The following TNN variants were observed in gnomAD, a reference collection of about 807,000 sequenced individuals.
TNN encodes tenascin N.
TNN carries 122 observed loss-of-function variants against 134.4 expected under a neutral mutation model. The observed-to-expected ratio is 0.91, with a 90% CI of 0.78 to 1.06. The LOEUF (loss-of-function observed/expected upper bound fraction) is 1.06, where lower values mean the gene tolerates loss of function less well. TNN is among the 50% of genes least tolerant of loss of function. The probability of loss-of-function intolerance (pLI) is 0.00; values close to 1 mark genes in which losing one functional copy is unlikely to be tolerated. For synonymous variants in TNN, 710 were observed against 670.3 expected (o/e 1.06, Z -0.91); for missense variants, 1,739 against 1,699.4 (o/e 1.02, Z -0.41).
Position 175,118,735 on chromosome 1 carries a change from G to A in TNN, c.2561G>A (p.Gly854Asp). 1.2e-6 allele frequency: 2 copies of A among 1,614,234 alleles called. No individual in the cohort carries two copies. The highest frequency in any genetic ancestry group is 1.3e-5 in the African/African-American group (1 of 75,054). The stretch of plus-strand genomic sequence containing the variant: ...GAGCAGAGCAGCACTGTCCTGACGG[G>A]CCTGAGGCCGGGCATGGAGTACACG... ...GKEQSSTVLT[G>D]LRPGMEYTVH... Residue 854 changes from glycine to aspartate, a missense_variant, in exon 11 of 19, where the codon GGC becomes GAC. Coordinates refer to ENST00000239462, the MANE Select transcript of TNN (RefSeq NM_022093.2).
At chr1:175,081,976 A>C (rs1467576235) in intron 4 of TNN, among the ~76,000 whole-genome samples, 1 of 152,138 alleles carries the variant, frequency 6.6e-6, no homozygotes, top group East Asian at 1.9e-4. Flanking sequence ...GACAATGGTC[A>C]TGTTTTTGTC....
intron 7 of TNN, among the ~76,000 whole-genome samples, chr1:175,094,973 C>A (rs962110324): frequency 6.6e-6 from 1 of 152,182 alleles, no homozygotes; most frequent in Non-Finnish European, 1.5e-5. Flanking sequence ...CTCAGAGAAG[C>A]AGAGAGATGG....
At position 175,077,747 on chromosome 1, in the gene TNN, C is replaced by T. The variant is rs1421569424; in HGVS notation, c.329C>T (p.Ala110Val). The T allele has an allele frequency of 3.1e-6, 5 of 1,614,204 alleles. No homozygotes were observed. The highest frequency in any genetic ancestry group is 4.2e-6 in the Non-Finnish European group (5 of 1,180,032). The change falls in exon 2 of 19, where the codon GCC becomes GTC. Residue 110 changes from alanine (A) to valine (V), a missense_variant. Ala to Val is a moderately conservative substitution (Grantham distance 64). Transcript: ENST00000239462. ...ELAGSVQDLL[A>V]RVKKLEEEMV... ...GCAGGCAGTGTCCAGGACCTCCTGG[C>T]CCGGGTGAAGAAGCTGGAGGAAGAG...
At chr1:175,117,788 A>C (rs1675222875) in intron 10 of TNN, among the ~76,000 whole-genome samples, 1 of 152,200 alleles carries the variant, frequency 6.6e-6, no homozygotes, top group Admixed American at 6.5e-5. Context: ...AAACAACCAA[A>C]TAACAGTTGC....
At chr1:175,073,843 C>T (rs1558345397) in intron 1 of TNN, among the ~76,000 whole-genome samples, 1 of 152,172 alleles carries the variant, frequency 6.6e-6, no homozygotes, top group Non-Finnish European at 1.5e-5. Context: ...TAGATATTCC[C>T]CTTCCCACCC....
At position 175,093,990 on chromosome 1, in the gene TNN, A is replaced by C; in HGVS notation, c.1325A>C (p.Glu442Ala). 1 of 1,588,076 alleles carries C rather than the reference A, an allele frequency of 6.3e-7. No homozygotes were observed. Among genetic ancestry groups the C allele is most frequent in the Non-Finnish European group, 8.6e-7 (1 of 1,160,406 alleles). ...TTCTTTCTCATGTGTTTTTATGAAG[A>C]AATTGACAGTCCAACCAATGTTGTC... is the stretch of plus-strand genomic sequence containing the variant. ...GKPILLNGRTEIDSPTNVVTD... is the reference protein window; with the variant it reads ...GKPILLNGRTAIDSPTNVVTD... The change falls in exon 7 of 19, where the codon GAA becomes GCA. Residue 442 changes from glutamate to alanine, a missense_variant and splice_region_variant. Glu to Ala is a moderately radical substitution (Grantham distance 107). Transcript: ENST00000239462.
intron 12 of TNN, among the ~76,000 whole-genome samples, chr1:175,125,547 C>A (rs1035317950): frequency 4.6e-5 from 7 of 151,498 alleles, no homozygotes; most frequent in African/African-American, 1.7e-4. Flanking sequence ...CCTCCCCCAC[C>A]TCTTCCTTTC....
In TNN at chr1:175,147,926, C is replaced by G. The variant is rs1173423622; in HGVS notation, c.*855C>G. 1.3e-5 allele frequency: 2 copies of G among 152,128 alleles called. No homozygotes were observed. Among genetic ancestry groups the G allele is most frequent in the Admixed American group, 1.3e-4 (2 of 15,272 alleles). The allele number at this position is 152,128 out of a possible 1,614,324, so 9.4% of individuals were successfully genotyped here. On this transcript the variant is annotated 3_prime_UTR_variant, in exon 19 of 19. Transcript: ENST00000239462. The stretch of plus-strand genomic sequence containing the variant: ...GGAGTGCTCAGCACCGTGAGTCTTA[C>G]TGTTTGATCGGACAGTTAGCAAGAT...
intron 9 of TNN, among the ~76,000 whole-genome samples, chr1:175,114,670 AG>A (rs1675116307): frequency 6.6e-6 from 1 of 152,152 alleles, no homozygotes; most frequent in African/African-American, 2.4e-5. Flanking sequence ...GCTTGGCTTC[AG>A]GGGGTCAGTT....
intron 2 of TNN, among the ~76,000 whole-genome samples, chr1:175,078,708 C>A (rs991996346): frequency 1.1e-4 from 17 of 152,224 alleles, no homozygotes; most frequent in African/African-American, 3.9e-4. Context: ...GAGGAGACTG[C>A]ACTAACCAGT....
intron 4 of TNN, among the ~76,000 whole-genome samples, chr1:175,083,297 G>C (rs1021940464): frequency 2.0e-5 from 3 of 152,210 alleles, no homozygotes; most frequent in African/African-American, 7.2e-5. Context: ...GAGAAAGTTT[G>C]AAATAGATTC....
At position 175,106,580 on chromosome 1, in the gene TNN, C is replaced by T. The variant is rs950012403; in HGVS notation, c.2119+7985C>T. ...AGAGACAGGTAGCAATTTTTAGAAG[C>T]GGGTCTAGCCTCAGAGAAGAGAGGC... On this transcript the variant is annotated intron_variant, in intron 9 of 18. Coordinates refer to ENST00000239462, the MANE Select transcript of TNN (RefSeq NM_022093.2). 1.3e-4 allele frequency among the ~76,000 whole-genome samples: 19 copies of T among 146,038 alleles called. 1 individual carries two copies. The highest frequency in any genetic ancestry group is 3.5e-4 in the African/African-American group (14 of 40,518).
intron 6 of TNN, among the ~76,000 whole-genome samples, chr1:175,090,232 A>G (rs1362275723): frequency 6.6e-6 from 1 of 152,224 alleles, no homozygotes; most frequent in African/African-American, 2.4e-5. Flanking sequence ...ATCAAAGTCA[A>G]TAACCTTTTT....
intron 11 of TNN, among the ~76,000 whole-genome samples, chr1:175,121,007 T>C (rs1675361373): frequency 6.6e-6 from 1 of 152,170 alleles, no homozygotes; most frequent in Non-Finnish European, 1.5e-5. Context: ...TGTGTTGAAC[T>C]CCTGGGCTCA....
chr1:175,144,314 T>C, intron 17 of TNN, 73 bp from the exon 18 acceptor site: 3 of 1,442,162 alleles, frequency 2.1e-6, no homozygotes, highest in South Asian at 2.5e-5. Context: ...GAGATCTTCC[T>C]GCTGGGTCCT....
chr1:175,097,544 G>A lies in TNN; in HGVS notation c.1716G>A (p.Glu572=), dbSNP rs764229838. ...VVRYTSADDQ[E]TREVLVGKEQ... ...GCTACACCTCTGCTGACGACCAAGAGACCAGAGAGGTTCTGGTGGGGAAGG... is the reference window on the plus strand; with the variant it reads ...GCTACACCTCTGCTGACGACCAAGAAACCAGAGAGGTTCTGGTGGGGAAGG... Residue 572 remains glutamate (E), a synonymous_variant, in exon 8 of 19, where the codon GAG becomes GAA. Transcript: ENST00000239462. 1 of 1,614,208 alleles carries A rather than the reference G, an allele frequency of 6.2e-7. No homozygotes were observed. Among genetic ancestry groups the A allele is most frequent in the Non-Finnish European group, 8.5e-7 (1 of 1,180,036 alleles).
intron 1 of TNN, among the ~76,000 whole-genome samples, chr1:175,069,172 G>T (rs188431415): frequency 2.2e-4 from 33 of 152,220 alleles, no homozygotes; most frequent in African/African-American, 7.5e-4. Flanking sequence ...AAAATCCACT[G>T]GTTCTTGGAA....
chr1:175,089,285 G>T (rs1012739645), intron 6 of TNN, among the ~76,000 whole-genome samples: 1 of 152,318 alleles, frequency 6.6e-6, no homozygotes, highest in South Asian at 2.1e-4. Context: ...AAATGACACC[G>T]TTCAGGGATT....
intron 15 of TNN, among the ~76,000 whole-genome samples, chr1:175,130,732 T>C (rs577797124): frequency 7.2e-5 from 11 of 152,326 alleles, no homozygotes; most frequent in South Asian, 2.1e-4. Context: ...CTGCTTCATG[T>C]ACTCAAGATC....
Sources: allele counts gnomAD v4.1 joint callset (sites outside exome capture counted in the v4.1 genomes callset), GRCh38; gene constraint gnomAD v4.1.1; transcripts MANE v1.5; gene names NCBI Gene and HGNC (gene_info 2026-07-23, HGNC 2026-07-21).